Variants in PIK3C3 observed in about 807,000 individuals in gnomAD.
PIK3C3 encodes phosphatidylinositol 3-kinase catalytic subunit type 3.
In PIK3C3, 95 loss-of-function variants were observed where a neutral mutation model predicts 126.1. That is an observed-to-expected ratio of 0.75 (90% CI 0.64 to 0.89). The LOEUF is 0.89. Among genes scored for constraint, PIK3C3 ranks in the 40% least tolerant of loss-of-function variants. The pLI is 0.00. For missense variants in PIK3C3, 829 were observed against 1,063.2 expected (o/e 0.78, Z 3.06); for synonymous variants, 374 against 360.0 (o/e 1.04, Z -0.44).
At chr18:41,993,121 TA>T (rs1744756276) in intron 6 of PIK3C3, 148 bp from the exon 7 acceptor site, 1 of 500,946 alleles carries the variant, frequency 2.0e-6, no homozygotes, top group South Asian at 3.2e-5. Context: ...ACATGCATTT[TA>T]TAATATTGTT....
At chr18:42,016,092 A>G (rs941711620) in intron 12 of PIK3C3, among the ~76,000 whole-genome samples, 1 of 152,148 alleles carries the variant, frequency 6.6e-6, no homozygotes, top group Non-Finnish European at 1.5e-5. Flanking sequence ...TAAGACTTCT[A>G]ATTTAAAAGA....
intron 4 of PIK3C3, among the ~76,000 whole-genome samples, chr18:41,985,761 A>G (rs1025704314): frequency 1.3e-5 from 2 of 152,136 alleles, no homozygotes; most frequent in African/African-American, 4.8e-5. Context: ...GCTCTTATAC[A>G]ATTGAGATAG....
chr18:42,014,207 C>CAAA (rs58086258), intron 11 of PIK3C3, among the ~76,000 whole-genome samples: 75 of 40,864 alleles, frequency 1.8e-3, no homozygotes, highest in Admixed American at 2.7e-3. Flanking sequence ...GACTCCGTCT[C>CAAA]AAAAAAAAAA....
At chr18:41,966,420 T>C (rs1426708397) in intron 3 of PIK3C3, among the ~76,000 whole-genome samples, 1 of 152,100 alleles carries the variant, frequency 6.6e-6, no homozygotes, top group African/African-American at 2.4e-5. Context: ...TCCGCCTGCC[T>C]CGCCCTCCCA....
intron 4 of PIK3C3, among the ~76,000 whole-genome samples, chr18:41,977,392 A>G (rs1980975930): frequency 6.6e-6 from 1 of 152,228 alleles, no homozygotes; most frequent in Non-Finnish European, 1.5e-5. Flanking sequence ...GTGTACAAAC[A>G]TATGAGAGAA....
In PIK3C3 at chr18:42,057,984, G is replaced by A; in HGVS notation, c.2365G>A (p.Gly789Ser). ...LNKEMVEGMG[G>S]TQSEQYQEFR... ...TAAAGAAATGGTAGAAGGAATGGGGGGCACACAGAGTGAGCAGTACCAAGA... is the reference window on the plus strand; with the variant it reads ...TAAAGAAATGGTAGAAGGAATGGGGAGCACACAGAGTGAGCAGTACCAAGA... Residue 789 changes from glycine (G) to serine (S), a missense_variant, in exon 22 of 25, where the codon GGC (glycine) becomes AGC (serine). By Grantham distance (56) the Gly-to-Ser change is moderately conservative. Coordinates refer to ENST00000262039, the MANE Select transcript of PIK3C3 (RefSeq NM_002647.4). The A allele has an allele frequency of 1.2e-6, 2 of 1,613,066 alleles. No individual in the cohort carries two copies. The highest frequency in any genetic ancestry group is 8.5e-7 in the Non-Finnish European group (1 of 1,179,438).
chr18:42,050,651 A>G (rs1359047382), intron 21 of PIK3C3: 2 of 152,004 alleles, frequency 1.3e-5, no homozygotes, highest in African/African-American at 4.8e-5. Flanking sequence ...AATCTTGTCT[A>G]CTCCTCAACT....
intron 24 of PIK3C3, among the ~76,000 whole-genome samples, chr18:42,069,991 C>T (rs907220550): frequency 6.6e-6 from 1 of 152,058 alleles, no homozygotes; most frequent in African/African-American, 2.4e-5. Flanking sequence ...TAGCTGGCTT[C>T]ACTCCTTCAG....
chr18:42,076,135 TATATATATGCGC>T (rs1238910349), intron 24 of PIK3C3, among the ~76,000 whole-genome samples: 2 of 92,780 alleles, frequency 2.2e-5, no homozygotes, highest in African/African-American at 6.5e-5. Context: ...CATATATATA[TATATATATGCGC>T]ATATATATAT....
chr18:42,037,475 A>G (rs773258044), intron 16 of PIK3C3, among the ~76,000 whole-genome samples: 55 of 152,230 alleles, frequency 3.6e-4, no homozygotes, highest in Non-Finnish European at 6.9e-4. Flanking sequence ...GACTGATTGC[A>G]GAGCTTGTGC....
intron 10 of PIK3C3, among the ~76,000 whole-genome samples, chr18:42,007,001 C>T (rs1982580871): frequency 1.3e-5 from 2 of 151,720 alleles, no homozygotes; most frequent in Non-Finnish European, 2.9e-5. Flanking sequence ...GTAGCTGGGA[C>T]TGCAGGTGCC....
chr18:41,976,909 A>G, intron 4 of PIK3C3, among the ~76,000 whole-genome samples: 1 of 152,220 alleles, frequency 6.6e-6, no homozygotes, highest in East Asian at 1.9e-4. Flanking sequence ...CCAGCACCTA[A>G]AACCACGTCT....
intron 10 of PIK3C3, among the ~76,000 whole-genome samples, chr18:42,006,829 G>T (rs1408609133): frequency 6.6e-6 from 1 of 151,346 alleles, no homozygotes; most frequent in Non-Finnish European, 1.5e-5. Flanking sequence ...GTGTGGGGGA[G>T]GGTAGGTGGG....
intron 20 of PIK3C3, among the ~76,000 whole-genome samples, chr18:42,046,963 T>C (rs958823452): frequency 6.6e-6 from 1 of 152,174 alleles, no homozygotes; most frequent in Non-Finnish European, 1.5e-5. Flanking sequence ...CCCTTACTTA[T>C]TTTTGCATTT....
At chr18:42,009,973 C>T (rs924549290) in intron 10 of PIK3C3, among the ~76,000 whole-genome samples, 2 of 152,066 alleles carry the variant, frequency 1.3e-5, no homozygotes, top group Non-Finnish European at 2.9e-5. Context: ...TAAAATAAAA[C>T]GAACGTAAAC....
At chr18:41,956,601 C>A (rs1433353106) in intron 1 of PIK3C3, among the ~76,000 whole-genome samples, 2 of 141,620 alleles carry the variant, frequency 1.4e-5, no homozygotes, top group African/African-American at 5.5e-5. Flanking sequence ...TCTCCTTTCC[C>A]TTTGGGATGA....
intron 24 of PIK3C3, among the ~76,000 whole-genome samples, chr18:42,069,339 T>G (rs1985679843): frequency 6.6e-6 from 1 of 152,184 alleles, no homozygotes; most frequent in Admixed American, 6.5e-5. Flanking sequence ...ACAGAATATT[T>G]TAGAGGTATA....
At chr18:42,065,568 C>T (rs1162099657) in intron 23 of PIK3C3, among the ~76,000 whole-genome samples, 1 of 152,208 alleles carries the variant, frequency 6.6e-6, no homozygotes, top group Non-Finnish European at 1.5e-5. Context: ...CACAGCTTCA[C>T]TGCCTGTGGA....
intron 20 of PIK3C3, among the ~76,000 whole-genome samples, chr18:42,046,375 A>G (rs1166286390): frequency 1.3e-5 from 2 of 152,186 alleles, no homozygotes; most frequent in East Asian, 1.9e-4. Context: ...CAGATTATCT[A>G]AAGTCTCAAG....
Sources: allele counts gnomAD v4.1 joint callset (sites outside exome capture counted in the v4.1 genomes callset), GRCh38; gene constraint gnomAD v4.1.1; transcripts MANE v1.5; gene names NCBI Gene and HGNC (gene_info 2026-07-23, HGNC 2026-07-21).